The following SYT14 variants were observed in gnomAD, a reference collection of about 807,000 sequenced individuals.
SYT14 encodes synaptotagmin-14.
A neutral mutation model predicts 74.2 loss-of-function variants in SYT14; 32 were observed. The observed-to-expected ratio is 0.43, with a 90% confidence interval of 0.33 to 0.58. SYT14 has a LOEUF of 0.58. Ranked by LOEUF, SYT14 falls within the 20% of genes least tolerant of loss-of-function variation. The pLI, the probability that SYT14 is intolerant of heterozygous loss-of-function variation, is 0.05. For missense variants in SYT14, 791 were observed against 981.8 expected, an observed-to-expected ratio of 0.81 and a Z score of 2.60; for synonymous variants, 298 against 337.7, an observed-to-expected ratio of 0.88 and a Z score of 1.29.
In SYT14 at chr1:210,094,430, T is replaced by C. The variant is rs1027115343; in HGVS notation, c.1421T>C (p.Ile474Thr). Residue 474 changes from isoleucine (I) to threonine (T), a missense_variant, in exon 6 of 10, where the codon ATT becomes ACT. Coordinates refer to ENST00000637265, the Ensembl canonical transcript of SYT14. ...CATCTGTCATGTACACCCTCAGAAA[T>C]TGGGGACAGTAAATGTGAATTTTCC... is the stretch of plus-strand genomic sequence containing the variant. 27 of 1,613,698 alleles carry C rather than the reference T, an allele frequency of 1.7e-5. No individual in the cohort carries two copies. The highest frequency in any genetic ancestry group is 1.0e-4 in the Admixed American group (6 of 59,886).
chr1:210,139,619 G>A (rs897255339), intron 7 of SYT14, among the ~76,000 whole-genome samples: 11 of 151,886 alleles, frequency 7.2e-5, no homozygotes, highest in Admixed American at 3.3e-4. Flanking sequence ...TATTATCCCC[G>A]CCACGAAAAC....
At chr1:209,945,471 A>T (rs962415845) in intron 1 of SYT14, among the ~76,000 whole-genome samples, 30 of 152,126 alleles carry the variant, frequency 2.0e-4, no homozygotes, top group Non-Finnish European at 2.5e-4. Flanking sequence ...GGTTGGGGGG[A>T]GTTGCATTAG....
intron 5 of SYT14, among the ~76,000 whole-genome samples, chr1:210,091,415 G>A (rs1052539414): frequency 3.3e-5 from 5 of 152,164 alleles, no homozygotes; most frequent in African/African-American, 4.8e-5. Flanking sequence ...CAGGCCTGGC[G>A]CAGTGCCTTA....
At chr1:210,033,008 G>A (rs846553) in intron 5 of SYT14, among the ~76,000 whole-genome samples, 86,520 of 151,382 alleles carry the variant, frequency 0.57, 26,877 homozygotes, top group African/African-American at 0.82. Flanking sequence ...AGTTACTGCT[G>A]TCGTACAAAC....
At chr1:210,122,665 C>CA (rs1230344524) in intron 7 of SYT14, among the ~76,000 whole-genome samples, 1 of 150,322 alleles carries the variant, frequency 6.7e-6, no homozygotes, top group Non-Finnish European at 1.5e-5. Context: ...GCTGGCTGTA[C>CA]AAAAAAACAG....
Position 209,969,486 on chromosome 1 carries a change from C to CTTTTT in SYT14, c.-486+16745_-486+16749dup, listed in dbSNP as rs35157576. ...TCTCATTGTGGGTTGTTTTTTCTTT[C>CTTTTT]TTTTTTTTTTTTTTTTTTTGAGATG... On this transcript the variant is annotated intron_variant, in intron 2 of 9. Transcript: ENST00000637265. Among the ~76,000 whole-genome samples, 40 of 127,194 alleles carry CTTTTT rather than the reference C, an allele frequency of 3.1e-4. No individual in the cohort carries two copies. The East Asian group carries it at 3.2e-3, about 10-fold the overall frequency. The allele number at this position is 127,194 out of a possible 152,430, so 83.4% of individuals were successfully genotyped here.
At chr1:210,074,448 T>G (rs1325845428) in intron 5 of SYT14, among the ~76,000 whole-genome samples, 1 of 152,158 alleles carries the variant, frequency 6.6e-6, no homozygotes, top group African/African-American at 2.4e-5. Flanking sequence ...CCATAAATTA[T>G]TATATGAGCA....
intron 2 of SYT14, among the ~76,000 whole-genome samples, chr1:209,981,033 T>G (rs551093773): frequency 3.3e-5 from 5 of 152,332 alleles, no homozygotes; most frequent in East Asian, 3.9e-4. Flanking sequence ...TAAATTACTT[T>G]GGGCAGTATG....
intron 2 of SYT14, among the ~76,000 whole-genome samples, chr1:209,967,954 A>G (rs2102739119): frequency 6.6e-6 from 1 of 152,282 alleles, no homozygotes; most frequent in East Asian, 1.9e-4. Context: ...TTAAATTCAT[A>G]GAAAACATTA....
intron 5 of SYT14, among the ~76,000 whole-genome samples, chr1:210,054,696 T>TTTA (rs1349584264): frequency 1.3e-5 from 2 of 152,158 alleles, no homozygotes; most frequent in African/African-American, 4.8e-5. Flanking sequence ...CATGTCAGTG[T>TTTA]TTATAACTGT....
At chr1:210,133,375 A>G (rs1197792267) in intron 7 of SYT14, among the ~76,000 whole-genome samples, 1 of 152,232 alleles carries the variant, frequency 6.6e-6, no homozygotes, top group African/African-American at 2.4e-5. Flanking sequence ...AGCTATTATC[A>G]CTGGAGAAGT....
exon 10 of SYT14, chr1:210,163,369 T>A: frequency 2.2e-6 from 1 of 453,744 alleles, no homozygotes; most frequent in Non-Finnish European, 4.4e-6. Context: ...AATAAACAGT[T>A]TTTTAATATT....
chr1:210,010,503 T>G (rs1209226498), intron 2 of SYT14, among the ~76,000 whole-genome samples: 1 of 152,218 alleles, frequency 6.6e-6, no homozygotes, highest in Non-Finnish European at 1.5e-5. Flanking sequence ...TTATAGAGGT[T>G]CTATTCCTTT....
At chr1:210,032,839 A>G (rs926273580) in intron 5 of SYT14, among the ~76,000 whole-genome samples, 8 of 151,796 alleles carry the variant, frequency 5.3e-5, no homozygotes, top group Admixed American at 3.3e-4. Flanking sequence ...TTTCCATTCT[A>G]CTAATTGTGA....
At chr1:209,969,482 CTTTCT>C (rs2079210639) in intron 2 of SYT14, among the ~76,000 whole-genome samples, 1 of 139,966 alleles carries the variant, frequency 7.1e-6, no homozygotes, top group Non-Finnish European at 1.5e-5. Flanking sequence ...GTTGTTTTTT[CTTTCT>C]TTTTTTTTTT....
At chr1:210,158,977 T>G (rs2083321879) in intron 8 of SYT14, among the ~76,000 whole-genome samples, 1 of 152,118 alleles carries the variant, frequency 6.6e-6, no homozygotes, top group Middle Eastern at 3.2e-3. Flanking sequence ...CTATTTTGTT[T>G]TGCATAATTA....
chr1:210,059,027 G>A lies in SYT14; in HGVS notation c.1313-35295G>A, dbSNP rs186471776. Among the ~76,000 whole-genome samples, 217 of 152,218 alleles carry A rather than the reference G, an allele frequency of 1.4e-3. 1 individual carries two copies. Among genetic ancestry groups the A allele is most frequent in the African/African-American group, 4.8e-3 (201 of 41,540 alleles). ...CTTTACTTATATTAGTTCATTTAAT[G>A]TTTTGACAGCACTGTGAACTATGAA... On this transcript the variant is annotated intron_variant, in intron 5 of 9. Coordinates refer to ENST00000637265, the Ensembl canonical transcript of SYT14.
At chr1:210,142,577 CTG>C (rs1242231928) in intron 7 of SYT14, among the ~76,000 whole-genome samples, 1 of 152,086 alleles carries the variant, frequency 6.6e-6, no homozygotes, top group East Asian at 1.9e-4. Flanking sequence ...GATTGGTGAA[CTG>C]TAGTGTGATG....
exon 10 of SYT14, chr1:210,163,635 C>T (rs1348541212): frequency 2.2e-6 from 1 of 453,540 alleles, no homozygotes; most frequent in African/African-American, 2.0e-5. Context: ...TTGCTTTCTG[C>T]TGCTGTTCTC....
Sources: allele counts gnomAD v4.1 joint callset (sites outside exome capture counted in the v4.1 genomes callset), GRCh38; gene constraint gnomAD v4.1.1; transcripts MANE v1.5; gene names NCBI Gene and HGNC (gene_info 2026-07-23, HGNC 2026-07-21).